Variants in GUCY1B1 observed in about 807,000 individuals in gnomAD.
The protein encoded by GUCY1B1 is guanylate cyclase soluble subunit beta-1.
In GUCY1B1, 43 loss-of-function variants were observed where a neutral mutation model predicts 71.0. That is an observed-to-expected ratio of 0.61 (90% CI 0.47 to 0.78). The LOEUF is 0.78. GUCY1B1 is among the 30% of genes least tolerant of loss of function. The pLI, the probability that GUCY1B1 is intolerant of heterozygous loss-of-function variation, is 0.00. For missense variants in GUCY1B1, 535 were observed against 754.1 expected (o/e 0.71, Z 3.40); for synonymous variants, 266 against 259.7 (o/e 1.02, Z -0.23).
At chr4:155,793,266 G>A (rs1739307736) in intron 5 of GUCY1B1, among the ~76,000 whole-genome samples, 1 of 151,996 alleles carries the variant, frequency 6.6e-6, no homozygotes, top group African/African-American at 2.4e-5. Context: ...TAGTAGAGAT[G>A]GGGTTTTGCC....
intron 2 of GUCY1B1, among the ~76,000 whole-genome samples, chr4:155,762,571 G>A (rs2110961813): frequency 6.6e-6 from 1 of 152,194 alleles, no homozygotes; most frequent in East Asian, 1.9e-4. Flanking sequence ...GGCCAAAAAT[G>A]CTTCATTGTA....
intron 4 of GUCY1B1, among the ~76,000 whole-genome samples, chr4:155,781,392 A>G (rs915172041): frequency 6.6e-6 from 1 of 152,214 alleles, no homozygotes; most frequent in South Asian, 2.1e-4. Context: ...CTTAACGAAT[A>G]CTAACATATC....
chr4:155,774,776 GA>G (rs1259299081), intron 2 of GUCY1B1, among the ~76,000 whole-genome samples, 191 bp from the exon 3 acceptor site: 5 of 152,104 alleles, frequency 3.3e-5, no homozygotes, highest in African/African-American at 1.2e-4. Context: ...TTAATTTAGG[GA>G]GGGGGATATG....
intron 2 of GUCY1B1, chr4:155,772,583 AT>A (rs981297802): frequency 9.4e-3 from 4,695 of 496,894 alleles, no homozygotes; most frequent in Middle Eastern, 0.012. Context: ...CACCTGCCTA[AT>A]TTTTTTTTTA....
intron 1 of GUCY1B1, 42 bp from the exon 2 acceptor site, chr4:155,759,745 A>T (rs777675847): frequency 6.7e-7 from 1 of 1,482,072 alleles, no homozygotes; most frequent in South Asian, 1.1e-5. Flanking sequence ...CTTCTCAGGT[A>T]CAGCGGGTCC....
At position 155,804,742 on chromosome 4, in the gene GUCY1B1, A is replaced by T. The variant is rs763800108; in HGVS notation, c.1704A>T (p.Thr568=). The change falls in exon 12 of 14, where the codon ACA becomes ACT. Residue 568 remains threonine (T), a synonymous_variant. Transcript: ENST00000264424. The part of the protein sequence containing the change: ...EKGKINVSEY[T]YRCLMSPENS... ...GAAAAATAAATGTGTCTGAATATAC[A>T]TACAGGTGAGAGAAAATGTCTTGGT... 5 of 1,611,330 alleles carry T rather than the reference A, an allele frequency of 3.1e-6. No homozygotes were observed. In the East Asian group the frequency reaches 8.9e-5, roughly 29 times the overall value.
chr4:155,776,593 C>A (rs931039485), intron 3 of GUCY1B1, among the ~76,000 whole-genome samples: 2 of 151,858 alleles, frequency 1.3e-5, no homozygotes. Context: ...TGGCCTGAAC[C>A]CGGGAGGTGG....
chr4:155,775,849 T>C (rs184464158), intron 3 of GUCY1B1, among the ~76,000 whole-genome samples: 1,624 of 141,490 alleles, frequency 0.011, 18 homozygotes, highest in Middle Eastern at 0.035. Context: ...GAAGAAGTTG[T>C]TCTCAAAGTA....
chr4:155,772,732 T>C (rs1359651251), intron 2 of GUCY1B1: 6 of 702,316 alleles, frequency 8.5e-6, no homozygotes, highest in Admixed American at 8.0e-5. Flanking sequence ...AAAAGAGAGA[T>C]TTTAATGCTT....
intron 2 of GUCY1B1, among the ~76,000 whole-genome samples, chr4:155,770,702 GA>G (rs1260698607): frequency 6.6e-6 from 1 of 152,164 alleles, no homozygotes; most frequent in African/African-American, 2.4e-5. Flanking sequence ...AGAAGGAAAG[GA>G]AGTGGCCCCA....
chr4:155,805,075 T>A (rs201957561), intron 12 of GUCY1B1, 28 bp from the exon 13 acceptor site: 1 of 1,597,088 alleles, frequency 6.3e-7, no homozygotes, highest in Non-Finnish European at 8.6e-7. Flanking sequence ...TATACTTCTC[T>A]CTCTACTCCC....
At chr4:155,774,915 T>G in intron 2 of GUCY1B1, 53 bp from the exon 3 acceptor site, 1 of 913,062 alleles carries the variant, frequency 1.1e-6, no homozygotes, top group Middle Eastern at 2.2e-4. Context: ...TTATAGTAGC[T>G]ATTTTTTTAA....
At chr4:155,789,006 C>T (rs1738981644) in intron 4 of GUCY1B1, among the ~76,000 whole-genome samples, 2 of 152,196 alleles carry the variant, frequency 1.3e-5, no homozygotes, top group Admixed American at 6.5e-5. Flanking sequence ...CTCAGGGAAA[C>T]GTGGCATCTT....
At chr4:155,763,401 T>C (rs1340287312) in intron 2 of GUCY1B1, among the ~76,000 whole-genome samples, 10 of 152,244 alleles carry the variant, frequency 6.6e-5, no homozygotes, top group Admixed American at 4.6e-4. Flanking sequence ...TCCAAAACAC[T>C]GAAAAATCCC....
At chr4:155,780,399 C>G (rs979020327) in intron 4 of GUCY1B1, among the ~76,000 whole-genome samples, 1 of 152,296 alleles carries the variant, frequency 6.6e-6, no homozygotes, top group Non-Finnish European at 1.5e-5. Flanking sequence ...CGCCACTCCT[C>G]TCTCCAAGCT....
intron 13 of GUCY1B1, among the ~76,000 whole-genome samples, chr4:155,806,151 A>G (rs1263795193): frequency 2.0e-5 from 3 of 152,120 alleles, no homozygotes; most frequent in African/African-American, 4.8e-5. Context: ...TCATTTTCCT[A>G]TGAGGTGGAC....
intron 5 of GUCY1B1, among the ~76,000 whole-genome samples, chr4:155,791,862 G>C (rs75979066): frequency 2.0e-5 from 3 of 151,428 alleles, no homozygotes; most frequent in Non-Finnish European, 4.4e-5. Flanking sequence ...TAACCAGACT[G>C]AGAAAGAGGT....
In GUCY1B1 at chr4:155,796,494, T is replaced by G; in HGVS notation, c.961T>G (p.Phe321Val). The part of the protein sequence containing the change: ...IYLPEADSIL[F>V]LCSPSVMNLD... ...CTTACCTGAAGCAGATAGCATACTTTTTCTATGTTCACCAAGGTAATCATT... is the reference window on the plus strand; with the variant it reads ...CTTACCTGAAGCAGATAGCATACTTGTTCTATGTTCACCAAGGTAATCATT... Residue 321 changes from phenylalanine (F) to valine (V), a missense_variant, in exon 8 of 14, where the codon TTT becomes GTT. Coordinates refer to ENST00000264424, the MANE Select transcript of GUCY1B1 (RefSeq NM_000857.5). The G allele has an allele frequency of 6.2e-7, 1 of 1,611,158 alleles. No individual in the cohort carries two copies. The highest frequency in any genetic ancestry group is 8.5e-7 in the Non-Finnish European group (1 of 1,177,608).
chr4:155,764,993 G>A (rs1737232669), intron 2 of GUCY1B1, among the ~76,000 whole-genome samples: 1 of 151,904 alleles, frequency 6.6e-6, no homozygotes, highest in Admixed American at 6.6e-5. Context: ...CTGGGTCTTG[G>A]AGTCTTTATT....
Sources: allele counts gnomAD v4.1 joint callset (sites outside exome capture counted in the v4.1 genomes callset), GRCh38; gene constraint gnomAD v4.1.1; transcripts MANE v1.5; gene names NCBI Gene and HGNC (gene_info 2026-07-23, HGNC 2026-07-21).